The following PPIL2 variants were observed in gnomAD, a reference collection of about 807,000 sequenced individuals.
PPIL2 encodes peptidylprolyl isomerase like 2, also known as RING-type E3 ubiquitin-protein ligase PPIL2.
A neutral mutation model predicts 75.2 loss-of-function variants in PPIL2; 50 were observed. The ratio of observed to expected loss-of-function variants is 0.66; its 90% CI spans 0.53 to 0.84. The LOEUF is 0.84. PPIL2 is among the 40% of genes least tolerant of loss of function. PPIL2 has a pLI of 0.00. For missense variants in PPIL2, 590 were observed against 685.0 expected, an observed-to-expected ratio of 0.86 and a Z score of 1.55; for synonymous variants, 245 against 258.8, an observed-to-expected ratio of 0.95 and a Z score of 0.51.
At chr22:21,676,259 TG>T (rs2066839745) in intron 6 of PPIL2, among the ~76,000 whole-genome samples, 2 of 147,854 alleles carry the variant, frequency 1.4e-5, no homozygotes, top group South Asian at 4.3e-4. Context: ...TGTGTGTGTG[TG>T]TGTGTGTGTG....
intron 2 of PPIL2, chr22:21,670,260 C>T: frequency 1.5e-6 from 2 of 1,326,560 alleles, no homozygotes; most frequent in East Asian, 2.8e-5. Context: ...TTTTCTCTAT[C>T]AAGTTTATAA....
chr22:21,670,107 G>A, intron 2 of PPIL2, 145 bp downstream of exon 2: 1 of 950,418 alleles, frequency 1.1e-6, no homozygotes, highest in Non-Finnish European at 1.6e-6. Context: ...TCATGAAAGA[G>A]AAATATACTC....
chr22:21,683,120 A>G, intron 8 of PPIL2, 62 bp from the exon 9 acceptor site: 2 of 1,398,198 alleles, frequency 1.4e-6, no homozygotes, highest in Admixed American at 1.7e-5. Context: ...CCTTTGCTGC[A>G]TGTGGCTGCC....
chr22:21,667,093 T>C (rs1356337905), intron 1 of PPIL2, among the ~76,000 whole-genome samples: 1 of 151,448 alleles, frequency 6.6e-6, no homozygotes, highest in African/African-American at 2.4e-5. Context: ...CAGCGGCCTC[T>C]CTTTTCAGGT....
rs367743782 is a variant in PPIL2 at position 21,695,521 on chromosome 22, G to A, written c.*31G>A. ...GGTTGGCCGCTGTGGACCTTGGTGG[G>A]GTTGCAGGGCTGGGGGCCCATGTCC... On this transcript the variant is annotated 3_prime_UTR_variant, in exon 20 of 20. Coordinates refer to ENST00000398831, the MANE Select transcript of PPIL2 (RefSeq NM_014337.4). 1.1e-5 allele frequency: 18 copies of A among 1,570,568 alleles called. No homozygotes were observed. The African/African-American group carries it at 2.0e-4, about 18-fold the overall frequency.
At chr22:21,699,588 G>A (rs2068043448), downstream of PPIL2, 1 of 152,572 alleles carries the variant, frequency 6.6e-6, no homozygotes, top group Non-Finnish European at 1.5e-5. Context: ...CGCAGGGACG[G>A]GCAACGCGTC....
rs1333151490 is a variant in PPIL2 at position 21,680,875 on chromosome 22, C to G, written c.296-424C>G. ...AAAACAGAGCAAAACAAAAAAAAGA[C>G]AGTAGGCAGGCAAGGGGATGGGCGG... On this transcript the variant is annotated intron_variant, in intron 6 of 19. Transcript: ENST00000398831. 2.2e-5 allele frequency among the ~76,000 whole-genome samples: 3 copies of G among 136,136 alleles called. No homozygotes were observed. The Admixed American group carries it at 2.2e-4, about 10-fold the overall frequency. 89.3% of individuals were successfully genotyped at this position (136,136 alleles called of 152,430 possible).
chr22:21,682,488 G>T lies in PPIL2; in HGVS notation c.439G>T (p.Asp147Tyr). The change falls in exon 8 of 20, where the codon GAC becomes TAC. Residue 147 changes from aspartate (D) to tyrosine (Y), a missense_variant. Transcript: ENST00000398831. Reference sequence around the variant, plus strand: ...CAAGAACTTCCGGGACCTGCTGACCGACGAGCCCTTCTCCCGGCAGGACAT... The same window carrying T: ...CAAGAACTTCCGGGACCTGCTGACCTACGAGCCCTTCTCCCGGCAGGACAT... ...KAKNFRDLLT[D>Y]EPFSRQDIIT... 2 of 1,613,906 alleles carry T rather than the reference G, an allele frequency of 1.2e-6. No individual in the cohort carries two copies. Among genetic ancestry groups the T allele is most frequent in the East Asian group, 2.2e-5 (1 of 44,880 alleles).
Position 21,687,741 on chromosome 22 carries a change from C to T in PPIL2, c.987+9C>T, listed in dbSNP as rs377568932. The T allele has an allele frequency of 1.7e-5, 28 of 1,608,534 alleles. No homozygotes were observed. In the African/African-American group the frequency reaches 3.5e-4, roughly 20 times the overall value. ...CCATCCGGAACTTTGTGGTGAGTGA[C>T]GAGAGTCACTGGCTGCACAGATGAG... On this transcript the variant is annotated intron_variant, in intron 13 of 19. Transcript: ENST00000398831.
intron 15 of PPIL2, among the ~76,000 whole-genome samples, chr22:21,690,120 C>T (rs1365083904): frequency 6.6e-6 from 1 of 152,080 alleles, no homozygotes; most frequent in East Asian, 1.9e-4. Flanking sequence ...TGGTGGCTCA[C>T]ACCTGTAATC....
chr22:21,689,792 G>A (rs2067542613), intron 15 of PPIL2, among the ~76,000 whole-genome samples: 2 of 152,190 alleles, frequency 1.3e-5, no homozygotes, highest in Non-Finnish European at 2.9e-5. Context: ...GTTTTTAGGA[G>A]GGTGGCTGAC....
intron 15 of PPIL2, 84 bp downstream of exon 15, chr22:21,688,933 G>A: frequency 2.3e-6 from 3 of 1,291,596 alleles, no homozygotes; most frequent in Non-Finnish European, 3.3e-6. Flanking sequence ...TCTCTGAAGG[G>A]TGTGCTGGTT....
intron 9 of PPIL2, 127 bp downstream of exon 9, chr22:21,683,384 C>T: frequency 1.3e-6 from 1 of 766,652 alleles, no homozygotes; most frequent in South Asian, 1.6e-5. Flanking sequence ...CCTGCATTTT[C>T]TGAACTAGTG....
chr22:21,693,151 G>A (rs971250716), intron 15 of PPIL2, among the ~76,000 whole-genome samples: 1 of 151,974 alleles, frequency 6.6e-6, no homozygotes, highest in Non-Finnish European at 1.5e-5. Flanking sequence ...AGGTTAAAGC[G>A]ATTCTCCTGC....
intron 7 of PPIL2, 37 bp from the exon 8 acceptor site, chr22:21,682,400 G>T: frequency 6.4e-7 from 1 of 1,571,052 alleles, no homozygotes; most frequent in South Asian, 1.1e-5. Context: ...CCAAGGCTTG[G>T]GGCAGGCATC....
chr22:21,672,851 G>A (rs573454271), intron 5 of PPIL2, among the ~76,000 whole-genome samples: 3 of 152,328 alleles, frequency 2.0e-5, no homozygotes, highest in Admixed American at 6.5e-5. Flanking sequence ...TGTGCGAGAC[G>A]GAGGGTCGGG....
At position 21,697,243 on chromosome 22, in the gene PPIL2, A is replaced by G; in HGVS notation, c.*1753A>G. The G allele has an allele frequency of 1.9e-6, 1 of 515,982 alleles. No homozygotes were observed. Among genetic ancestry groups the G allele is most frequent in the Admixed American group, 3.3e-5 (1 of 30,362 alleles). 32.0% of individuals were successfully genotyped at this position (515,982 alleles called of 1,614,324 possible). On this transcript the variant is annotated 3_prime_UTR_variant, in exon 20 of 20. Transcript: ENST00000398831. The stretch of plus-strand genomic sequence containing the variant: ...CCACACACCTGTAGGCCTCTGAGCC[A>G]GCGTCCAGGGTACAGGTGCGGGTGG...
In PPIL2 at chr22:21,696,749, A is replaced by C; in HGVS notation, c.*1259A>C. The C allele has an allele frequency of 6.5e-7, 1 of 1,541,304 alleles. No individual in the cohort carries two copies. The highest frequency in any genetic ancestry group is 2.4e-5 in the East Asian group (1 of 41,040). ...GCCCCAAATCTTGAACCTGTCAGCAACTTGCAGGCTGTACCTCTGCCCTTC... is the reference window on the plus strand; with the variant it reads ...GCCCCAAATCTTGAACCTGTCAGCACCTTGCAGGCTGTACCTCTGCCCTTC... On this transcript the variant is annotated 3_prime_UTR_variant, in exon 20 of 20. Coordinates refer to ENST00000398831, the MANE Select transcript of PPIL2 (RefSeq NM_014337.4).
chr22:21,683,414 C>T (rs1183246454), intron 9 of PPIL2, among the ~76,000 whole-genome samples, 157 bp downstream of exon 9: 17 of 152,176 alleles, frequency 1.1e-4, no homozygotes, highest in Admixed American at 1.1e-3. Flanking sequence ...TCTGAGCCAA[C>T]TGCAGCCTCA....
Sources: gnomAD v4.1 joint callset for allele counts (sites outside exome capture counted in the v4.1 genomes callset) on GRCh38, gnomAD v4.1.1 for gene constraint, MANE v1.5 for transcripts, NCBI Gene and HGNC (gene_info 2026-07-23, HGNC 2026-07-21) for gene names.